Variants in HECW1 observed in about 807,000 individuals in gnomAD.
The protein encoded by HECW1 is E3 ubiquitin-protein ligase HECW1.
HECW1 carries 61 observed loss-of-function variants against 182.3 expected under a neutral mutation model. That is an observed-to-expected ratio of 0.33 (90% confidence interval 0.27 to 0.41). The LOEUF (loss-of-function observed/expected upper bound fraction) is 0.41. Ranked by LOEUF, HECW1 falls within the 10% of genes least tolerant of loss-of-function variation. HECW1 has a pLI of 1.00. For missense variants in HECW1, 1,739 were observed against 2,108.9 expected, an observed-to-expected ratio of 0.82 and a Z score of 3.44; for synonymous variants, 859 against 832.6, an observed-to-expected ratio of 1.03 and a Z score of -0.55.
intron 1 of HECW1, among the ~76,000 whole-genome samples, chr7:43,113,182 C>T (rs1350652508): frequency 1.3e-5 from 2 of 152,134 alleles, no homozygotes. Flanking sequence ...GCGCACCCGG[C>T]CCTCCTGCGG....
At chr7:43,345,649 C>A (rs1002714525) in intron 5 of HECW1, among the ~76,000 whole-genome samples, 5 of 152,032 alleles carry the variant, frequency 3.3e-5, no homozygotes, top group African/African-American at 1.2e-4. Flanking sequence ...CCTCATAGCT[C>A]AGCTCCCACA....
intron 3 of HECW1, among the ~76,000 whole-genome samples, chr7:43,294,014 A>G (rs1323336337): frequency 6.6e-6 from 1 of 152,196 alleles, no homozygotes; most frequent in Admixed American, 6.5e-5. Context: ...GAGGTGGAAC[A>G]GTTTCATTTT....
intron 8 of HECW1, among the ~76,000 whole-genome samples, chr7:43,422,525 G>T (rs371811045): frequency 6.6e-6 from 1 of 151,936 alleles, no homozygotes; most frequent in East Asian, 1.9e-4. Flanking sequence ...ACTACGCCTG[G>T]TTAATTTTTT....
intron 3 of HECW1, among the ~76,000 whole-genome samples, chr7:43,251,631 T>C (rs1232106434): frequency 5.3e-5 from 8 of 152,242 alleles, no homozygotes. Flanking sequence ...ATCTAGTTTC[T>C]TTCTACTTAT....
In HECW1 at chr7:43,125,757, T is replaced by TAAAAA. The variant is rs57874835; in HGVS notation, c.-32+11385_-32+11389dup. ...TGGGTGACAGAGCGAGATTCTGTCTTAAAAAAAAAAAAAAAAAAAAAAAGA... is the reference window on the plus strand; with the variant it reads ...TGGGTGACAGAGCGAGATTCTGTCTTAAAAAAAAAAAAAAAAAAAAAAAAAAAAGA... On this transcript the variant is annotated intron_variant, in intron 2 of 29. Coordinates refer to ENST00000395891, the MANE Select transcript of HECW1 (RefSeq NM_015052.5). Among the ~76,000 whole-genome samples, 13 of 86,536 alleles carry TAAAAA rather than the reference T, an allele frequency of 1.5e-4. 2 individuals are homozygous for TAAAAA. Among genetic ancestry groups the TAAAAA allele is most frequent in the African/African-American group, 3.5e-4 (8 of 22,788 alleles). 56.8% of individuals were successfully genotyped at this position (86,536 alleles called of 152,430 possible). A position where few individuals can be genotyped will look rare whatever the true frequency, so the allele number is the denominator to read the frequency against.
intron 16 of HECW1, among the ~76,000 whole-genome samples, chr7:43,470,444 CAG>C (rs1162881573): frequency 6.6e-6 from 1 of 152,164 alleles, no homozygotes; most frequent in Admixed American, 6.5e-5. Context: ...ATAAGGATGA[CAG>C]GGAGCACAGT....
intron 2 of HECW1, among the ~76,000 whole-genome samples, chr7:43,197,799 G>A (rs1046530158): frequency 2.0e-4 from 30 of 152,140 alleles, no homozygotes; most frequent in Admixed American, 1.4e-3. Context: ...GGAAAATGCG[G>A]GACAGCTTGT....
At chr7:43,534,013 A>T (rs1715989206) in intron 24 of HECW1, among the ~76,000 whole-genome samples, 1 of 152,188 alleles carries the variant, frequency 6.6e-6, no homozygotes, top group Non-Finnish European at 1.5e-5. Flanking sequence ...AATCCTTAGC[A>T]GCCCAAGTTT....
chr7:43,242,912 C>A (rs774141714), intron 2 of HECW1, among the ~76,000 whole-genome samples: 2 of 152,234 alleles, frequency 1.3e-5, no homozygotes, highest in Non-Finnish European at 1.5e-5. Context: ...GATCTCAGTA[C>A]GTAGATGTTG....
intron 2 of HECW1, among the ~76,000 whole-genome samples, chr7:43,165,942 C>T (rs564884264): frequency 6.6e-6 from 1 of 152,322 alleles, no homozygotes; most frequent in South Asian, 2.1e-4. Context: ...TTAATATACT[C>T]ATTCACTCAT....
rs778597042 is a variant in HECW1 at position 43,479,713 on chromosome 7, T to G, written c.3203T>G (p.Leu1068Arg). 5 of 1,613,900 alleles carry G rather than the reference T, an allele frequency of 3.1e-6. 1 individual carries two copies. The highest frequency in any genetic ancestry group is 2.2e-5 in the East Asian group (1 of 44,850). Residue 1068 changes from leucine (L) to arginine (R), a missense_variant, in exon 17 of 30, where the codon CTC becomes CGC. By Grantham distance (102) the Leu-to-Arg change is moderately radical. Transcript: ENST00000395891. Reference sequence around the variant, plus strand: ...AATCATCTAACTCACCGACAGCACCTCCAGAGGCTCCGAAGTTACAGCGCT... The same window carrying G: ...AATCATCTAACTCACCGACAGCACCGCCAGAGGCTCCGAAGTTACAGCGCT... ...LPNHLTHRQHLQRLRSYSAGE... is the reference protein window; with the variant it reads ...LPNHLTHRQHRQRLRSYSAGE...
chr7:43,516,960 G>T (rs1432432743), intron 24 of HECW1, among the ~76,000 whole-genome samples: 3 of 152,206 alleles, frequency 2.0e-5, no homozygotes, highest in Non-Finnish European at 2.9e-5. Context: ...TAGAAGATAA[G>T]AAATGGTACA....
rs968756598 is a variant in HECW1 at position 43,434,196 on chromosome 7, T to C, written c.802-3807T>C. On this transcript the variant is annotated intron_variant, in intron 8 of 29. Coordinates refer to ENST00000395891, the MANE Select transcript of HECW1 (RefSeq NM_015052.5). ...CATTTGAAATAGGCCTACAGATTACTACAAACAGCTGTATAGGATTAGTGG... is the reference window on the plus strand; with the variant it reads ...CATTTGAAATAGGCCTACAGATTACCACAAACAGCTGTATAGGATTAGTGG... Among the ~76,000 whole-genome samples the C allele has an allele frequency of 2.6e-5, 4 of 152,336 alleles. No homozygotes were observed. In the East Asian group the frequency reaches 7.7e-4, roughly 29 times the overall value.
At chr7:43,348,240 A>T (rs1458626197) in intron 5 of HECW1, among the ~76,000 whole-genome samples, 1 of 152,098 alleles carries the variant, frequency 6.6e-6, no homozygotes, top group East Asian at 1.9e-4. Context: ...ATTTAAGCTA[A>T]GAGGGCTGTA....
chr7:43,383,387 A>G (rs1050386257), intron 6 of HECW1, among the ~76,000 whole-genome samples: 1 of 152,200 alleles, frequency 6.6e-6, no homozygotes, highest in Non-Finnish European at 1.5e-5. Context: ...GAACTAATTT[A>G]CACTCCCACC....
At chr7:43,391,091 A>G (rs1255855464) in intron 6 of HECW1, among the ~76,000 whole-genome samples, 1 of 152,204 alleles carries the variant, frequency 6.6e-6, no homozygotes, top group East Asian at 1.9e-4. Context: ...TCATCCTAGC[A>G]CCTAGACCCA....
intron 2 of HECW1, among the ~76,000 whole-genome samples, chr7:43,197,179 T>A (rs1794536054): frequency 1.3e-5 from 2 of 152,188 alleles, no homozygotes; most frequent in South Asian, 4.1e-4. Context: ...TTTTGTTCTG[T>A]GTACACTCAA....
Position 43,552,320 on chromosome 7 carries a change from C to T in HECW1, c.4494C>T (p.Asn1498=), listed in dbSNP as rs200324723. ...AEIDLNDWRN[N]TEYRGGYHDG... ...TCGACCTAAATGACTGGCGGAATAA[C>T]ACTGAGTACCGGGGAGGTGAGTGGG... Residue 1498 remains asparagine, a synonymous_variant, in exon 28 of 30, where the codon AAC becomes AAT. Coordinates refer to ENST00000395891, the MANE Select transcript of HECW1 (RefSeq NM_015052.5). The T allele has an allele frequency of 6.2e-7, 1 of 1,608,830 alleles. No individual in the cohort carries two copies. The highest frequency in any genetic ancestry group is 8.5e-7 in the Non-Finnish European group (1 of 1,175,264).
chr7:43,271,024 C>A (rs1418985995), intron 3 of HECW1, among the ~76,000 whole-genome samples: 2 of 152,258 alleles, frequency 1.3e-5, no homozygotes, highest in East Asian at 3.9e-4. Context: ...GATAACTTCA[C>A]TTCTCTACAA....
Sources: allele counts gnomAD v4.1 joint callset (sites outside exome capture counted in the v4.1 genomes callset), GRCh38; gene constraint gnomAD v4.1.1; transcripts MANE v1.5; gene names NCBI Gene and HGNC (gene_info 2026-07-23, HGNC 2026-07-21).